Variants in BANK1 observed in about 807,000 individuals in gnomAD.
BANK1 encodes B-cell scaffold protein with ankyrin repeats.
In BANK1, 95 loss-of-function variants were observed where a neutral mutation model predicts 94.5. The ratio of observed to expected loss-of-function variants is 1.00; its 90% CI spans 0.85 to 1.19. The LOEUF is 1.19. Ranked by LOEUF, BANK1 falls within the 50% of genes most tolerant of loss-of-function variation. The probability of loss-of-function intolerance (pLI) is 0.00; values close to 1 mark genes in which losing one functional copy is unlikely to be tolerated. For missense variants in BANK1, 987 were observed against 932.2 expected (o/e 1.06, Z -0.77); for synonymous variants, 334 against 308.4 (o/e 1.08, Z -0.87).
chr4:101,951,137 C>T (rs1023331158), intron 7 of BANK1, among the ~76,000 whole-genome samples: 1 of 152,046 alleles, frequency 6.6e-6, no homozygotes, highest in African/African-American at 2.4e-5. Flanking sequence ...TTGCTTTGCT[C>T]AGCATTACAA....
At chr4:101,898,792 T>A (rs1294113012) in intron 6 of BANK1, among the ~76,000 whole-genome samples, 1 of 152,100 alleles carries the variant, frequency 6.6e-6, no homozygotes, top group African/African-American at 2.4e-5. Context: ...CAATAGGTCT[T>A]GGTCATTTTT....
chr4:101,854,523 T>G (rs1164403032), intron 2 of BANK1, among the ~76,000 whole-genome samples: 1 of 152,174 alleles, frequency 6.6e-6, no homozygotes, highest in Non-Finnish European at 1.5e-5. Flanking sequence ...TGGTAAGTAC[T>G]AGTATTTCAC....
chr4:101,977,346 G>T (rs1428460197), intron 7 of BANK1, among the ~76,000 whole-genome samples: 1 of 152,148 alleles, frequency 6.6e-6, no homozygotes, highest in African/African-American at 2.4e-5. Context: ...AACTCAAGGA[G>T]GAGAGAGAAG....
intron 7 of BANK1, among the ~76,000 whole-genome samples, chr4:102,016,540 C>T (rs543919835): frequency 6.6e-6 from 1 of 152,284 alleles, no homozygotes; most frequent in South Asian, 2.1e-4. Flanking sequence ...TCATCACCCT[C>T]GTTTAACTTT....
At chr4:101,963,949 C>T (rs1238213789) in intron 7 of BANK1, among the ~76,000 whole-genome samples, 1 of 152,084 alleles carries the variant, frequency 6.6e-6, no homozygotes, top group Non-Finnish European at 1.5e-5. Flanking sequence ...TTTTCCTCCA[C>T]AGAAACCTCC....
At chr4:101,950,060 TGC>T (rs1553935108) in intron 7 of BANK1, among the ~76,000 whole-genome samples, 1 of 139,404 alleles carries the variant, frequency 7.2e-6, no homozygotes, top group East Asian at 2.1e-4. Flanking sequence ...TGTGTGTGTG[TGC>T]GCGTGCGCGC....
chr4:102,012,204 A>G (rs544862732), intron 7 of BANK1, among the ~76,000 whole-genome samples: 52 of 152,296 alleles, frequency 3.4e-4, no homozygotes, highest in African/African-American at 1.2e-3. Flanking sequence ...GAATACCCTT[A>G]TGAAGGTACA....
At chr4:102,004,279 A>G (rs1726175128) in intron 7 of BANK1, among the ~76,000 whole-genome samples, 1 of 152,194 alleles carries the variant, frequency 6.6e-6, no homozygotes, top group Non-Finnish European at 1.5e-5. Context: ...TATAATATCT[A>G]GGACTATAAA....
intron 2 of BANK1, among the ~76,000 whole-genome samples, chr4:101,836,862 G>A (rs995806954): frequency 6.6e-6 from 1 of 152,072 alleles, no homozygotes; most frequent in Non-Finnish European, 1.5e-5. Flanking sequence ...CCATCGGCTC[G>A]GCACTATCCC....
At chr4:101,927,277 G>A (rs1467375580) in intron 7 of BANK1, among the ~76,000 whole-genome samples, 1 of 151,594 alleles carries the variant, frequency 6.6e-6, no homozygotes, top group Non-Finnish European at 1.5e-5. Context: ...GAACTCATTA[G>A]CTTTCACAAG....
intron 7 of BANK1, among the ~76,000 whole-genome samples, chr4:102,020,039 C>T (rs1270391263): frequency 6.6e-6 from 1 of 152,084 alleles, no homozygotes; most frequent in East Asian, 1.9e-4. Context: ...ACATACACAT[C>T]CATCCACATA....
intron 1 of BANK1, among the ~76,000 whole-genome samples, chr4:101,816,681 C>T (rs1725930489): frequency 6.6e-6 from 1 of 151,926 alleles, no homozygotes; most frequent in African/African-American, 2.4e-5. Context: ...AGGCTCATGG[C>T]ACTTACTTGT....
At chr4:101,992,939 T>G (rs1725755806) in intron 7 of BANK1, among the ~76,000 whole-genome samples, 1 of 152,188 alleles carries the variant, frequency 6.6e-6, no homozygotes, top group African/African-American at 2.4e-5. Flanking sequence ...TTCAGGACTT[T>G]CAGAGCTAAA....
At chr4:101,901,810 GAGTGC>G (rs1323415037) in intron 6 of BANK1, among the ~76,000 whole-genome samples, 1 of 152,022 alleles carries the variant, frequency 6.6e-6, no homozygotes, top group Non-Finnish European at 1.5e-5. Context: ...GCCCAGGCTG[GAGTGC>G]AGTGGTGCAA....
At chr4:101,919,163 TCA>T (rs1207267444) in intron 7 of BANK1, among the ~76,000 whole-genome samples, 1 of 151,964 alleles carries the variant, frequency 6.6e-6, no homozygotes, top group Non-Finnish European at 1.5e-5. Flanking sequence ...AGTCAGTAAG[TCA>T]ATTCAGCCTT....
chr4:101,887,178 T>G (rs1419693989), intron 5 of BANK1, among the ~76,000 whole-genome samples: 27 of 152,212 alleles, frequency 1.8e-4, no homozygotes, highest in Admixed American at 1.6e-3. Context: ...ACCATGAAGA[T>G]GATATATAAC....
At chr4:101,966,832 G>C (rs1724780836) in intron 7 of BANK1, among the ~76,000 whole-genome samples, 1 of 151,996 alleles carries the variant, frequency 6.6e-6, no homozygotes, top group Non-Finnish European at 1.5e-5. Context: ...CCTAATGTTG[G>C]TAACACCTGG....
At chr4:101,871,066 G>C (rs1295352154) in intron 5 of BANK1, among the ~76,000 whole-genome samples, 1 of 152,084 alleles carries the variant, frequency 6.6e-6, no homozygotes, top group Non-Finnish European at 1.5e-5. Flanking sequence ...CACCAAAAAG[G>C]GAACGTGTGG....
intron 2 of BANK1, 85 bp downstream of exon 2, chr4:101,830,291 A>G (rs1186236135): frequency 1.8e-6 from 2 of 1,139,190 alleles, no homozygotes; most frequent in Non-Finnish European, 2.4e-6. Context: ...TTTAGAACCA[A>G]TAACTGGTGT....
Sources: gnomAD v4.1 joint callset for allele counts (sites outside exome capture counted in the v4.1 genomes callset) on GRCh38, gnomAD v4.1.1 for gene constraint, MANE v1.5 for transcripts, NCBI Gene and HGNC (gene_info 2026-07-23, HGNC 2026-07-21) for gene names.